Variants in ODAD2 observed in about 807,000 individuals in gnomAD.
ODAD2 encodes outer dynein arm docking complex subunit 2.
A neutral mutation model predicts 106.8 loss-of-function variants in ODAD2; 89 were observed. The ratio of observed to expected loss-of-function variants is 0.83; its 90% confidence interval spans 0.70 to 0.99. The LOEUF (loss-of-function observed/expected upper bound fraction) is 0.99. ODAD2 is among the 50% of genes least tolerant of loss of function. The pLI is 0.00. For missense variants in ODAD2, 1,168 were observed against 1,238.5 expected (o/e 0.94, Z 0.85); for synonymous variants, 404 against 436.2 (o/e 0.93, Z 0.92).
chr10:27,889,083 G>A (rs746576267), intron 17 of ODAD2, among the ~76,000 whole-genome samples: 4 of 152,164 alleles, frequency 2.6e-5, no homozygotes, highest in Non-Finnish European at 5.9e-5. Context: ...AGTGTTTCAG[G>A]CAAGGGTGCC....
chr10:27,961,495 G>A (rs980063739), intron 10 of ODAD2, 73 bp downstream of exon 10: 2 of 1,377,630 alleles, frequency 1.5e-6, no homozygotes, highest in African/African-American at 2.9e-5. Flanking sequence ...AGTAAACTTG[G>A]AAGCAGCATA....
At chr10:27,820,125 C>T (rs1019361300) in intron 19 of ODAD2, among the ~76,000 whole-genome samples, 1 of 152,138 alleles carries the variant, frequency 6.6e-6, no homozygotes, top group Non-Finnish European at 1.5e-5. Flanking sequence ...GCCCAGAGGT[C>T]AGTCTAGCTT....
intron 16 of ODAD2, among the ~76,000 whole-genome samples, chr10:27,930,356 T>C (rs1845525920): frequency 6.6e-6 from 1 of 152,060 alleles, no homozygotes; most frequent in Non-Finnish European, 1.5e-5. Context: ...AACCTGTCTT[T>C]ACAAAAAAAT....
At chr10:27,842,356 A>T (rs1486521992) in intron 19 of ODAD2, among the ~76,000 whole-genome samples, 2 of 152,182 alleles carry the variant, frequency 1.3e-5, no homozygotes, top group Non-Finnish European at 2.9e-5. Context: ...ATTTCTTTGA[A>T]AAAAGGGTGC....
intron 17 of ODAD2, among the ~76,000 whole-genome samples, chr10:27,890,443 G>A (rs1382156179): frequency 1.3e-5 from 2 of 152,178 alleles, no homozygotes; most frequent in African/African-American, 2.4e-5. Flanking sequence ...TGGTTAAGTG[G>A]TTTCATGAAT....
chr10:27,960,017 C>T (rs1848012951), intron 10 of ODAD2, among the ~76,000 whole-genome samples: 3 of 151,684 alleles, frequency 2.0e-5, no homozygotes, highest in Admixed American at 2.0e-4. Context: ...AAAATAAATG[C>T]CAAATAAAAA....
intron 19 of ODAD2, among the ~76,000 whole-genome samples, chr10:27,814,999 T>C (rs1836018731): frequency 6.6e-6 from 1 of 152,238 alleles, no homozygotes; most frequent in African/African-American, 2.4e-5. Flanking sequence ...ATCTTCCTTC[T>C]TCTTCAATCT....
At chr10:27,876,319 C>T (rs1376352843) in intron 17 of ODAD2, among the ~76,000 whole-genome samples, 1 of 152,196 alleles carries the variant, frequency 6.6e-6, no homozygotes, top group Non-Finnish European at 1.5e-5. Flanking sequence ...TGACACCCCA[C>T]ACTGCCGGGT....
chr10:27,910,357 C>A (rs1466679326), intron 16 of ODAD2, among the ~76,000 whole-genome samples: 1 of 152,068 alleles, frequency 6.6e-6, no homozygotes, highest in Non-Finnish European at 1.5e-5. Flanking sequence ...TGGTATTAAA[C>A]CTGCAATTCC....
Position 27,935,225 on chromosome 10 carries a change from G to A in ODAD2, c.2280C>T (p.Thr760=), listed in dbSNP as rs571264531. The change falls in exon 16 of 20, where the codon ACC becomes ACT. Residue 760 remains threonine (T), a synonymous_variant. Coordinates refer to ENST00000305242, the MANE Select transcript of ODAD2 (RefSeq NM_018076.5). Reference sequence around the variant, plus strand: ...GCTGATCTGTTAGAAGTCCCACCAAGGTTTCAATGGCTTTGTATTCCCGAA... The same window carrying A: ...GCTGATCTGTTAGAAGTCCCACCAAAGTTTCAATGGCTTTGTATTCCCGAA... ...TKFREYKAIE[T]LVGLLTDQPE... is the part of the protein sequence containing the mutation. 14 of 1,613,880 alleles carry A rather than the reference G, an allele frequency of 8.7e-6. No homozygotes were observed. In the South Asian group the frequency reaches 1.4e-4, roughly 16 times the overall value.
chr10:27,935,374 G>T, intron 15 of ODAD2, 122 bp from the exon 16 acceptor site: 1 of 1,276,882 alleles, frequency 7.8e-7, no homozygotes, highest in Non-Finnish European at 1.1e-6. Context: ...CCCCATTACT[G>T]GATGGTTAAT....
intron 9 of ODAD2, among the ~76,000 whole-genome samples, chr10:27,966,680 C>G (rs1277398613): frequency 6.6e-6 from 1 of 152,188 alleles, no homozygotes; most frequent in Non-Finnish European, 1.5e-5. Flanking sequence ...AGATGTGACA[C>G]AGAGAACCTT....
At chr10:27,925,199 C>T (rs1199658272) in intron 16 of ODAD2, among the ~76,000 whole-genome samples, 1 of 151,938 alleles carries the variant, frequency 6.6e-6, no homozygotes, top group South Asian at 2.1e-4. Flanking sequence ...GAGACTTATT[C>T]CAGGAATGCA....
At chr10:27,835,481 T>G (rs1003792768) in intron 19 of ODAD2, among the ~76,000 whole-genome samples, 1 of 152,170 alleles carries the variant, frequency 6.6e-6, no homozygotes, top group Non-Finnish European at 1.5e-5. Flanking sequence ...TCTCTCTCTG[T>G]ACAGTTGATG....
At chr10:27,985,356 A>T (rs1290353862) in intron 3 of ODAD2, 145 bp from the exon 4 acceptor site, 3 of 659,594 alleles carry the variant, frequency 4.5e-6, no homozygotes, top group East Asian at 2.8e-5. Context: ...ATTAGAATTC[A>T]TCTCTACGTC....
At chr10:27,955,216 T>C (rs1295407068) in intron 10 of ODAD2, among the ~76,000 whole-genome samples, 1 of 152,188 alleles carries the variant, frequency 6.6e-6, no homozygotes, top group Non-Finnish European at 1.5e-5. Flanking sequence ...AATAACTCTG[T>C]GCCATCACAT....
intron 10 of ODAD2, among the ~76,000 whole-genome samples, chr10:27,948,866 A>G (rs1450149346): frequency 7.6e-6 from 1 of 131,860 alleles, no homozygotes; most frequent in Admixed American, 8.9e-5. Context: ...GATGACCAGG[A>G]GGCATTTCTT....
chr10:27,872,704 G>A (rs911609177), intron 17 of ODAD2, among the ~76,000 whole-genome samples: 1 of 151,906 alleles, frequency 6.6e-6, no homozygotes, highest in Non-Finnish European at 1.5e-5. Context: ...CAGGGATGAA[G>A]CCCACTTGAT....
intron 10 of ODAD2, among the ~76,000 whole-genome samples, chr10:27,958,202 T>C (rs966799082): frequency 1.3e-5 from 2 of 152,244 alleles, no homozygotes; most frequent in African/African-American, 2.4e-5. Context: ...ACATGATTTA[T>C]TGATGAATAA....
Sources: gnomAD v4.1 joint callset for allele counts (sites outside exome capture counted in the v4.1 genomes callset) on GRCh38, gnomAD v4.1.1 for gene constraint, MANE v1.5 for transcripts, NCBI Gene and HGNC (gene_info 2026-07-23, HGNC 2026-07-21) for gene names.